Variants in TRIM49 observed in about 807,000 individuals in gnomAD.
TRIM49 encodes tripartite motif-containing protein 49.
A neutral mutation model predicts 27.4 loss-of-function variants in TRIM49; 5 were observed. That is an observed-to-expected ratio of 0.18 (90% CI 0.10 to 0.38). The LOEUF (loss-of-function observed/expected upper bound fraction) is 0.38, where lower values mean the gene tolerates loss of function less well. TRIM49 is among the 10% of genes least tolerant of loss of function. The pLI is 1.00. For synonymous variants in TRIM49, 69 were observed against 166.0 expected (o/e 0.42, Z 4.49); for missense variants, 188 against 487.5 (o/e 0.39, Z 5.79).
chr11:89,766,658 T>C, the TRIM49 span: 1 of 1,444,166 alleles, frequency 6.9e-7, no homozygotes. Context: ...GGTAATTCCA[T>C]ATGAGGGAAT....
At chr11:89,793,694 T>G (rs60842940), downstream of TRIM49, among the ~76,000 whole-genome samples, 4,710 of 149,314 alleles carry the variant, frequency 0.032, no homozygotes, top group Non-Finnish European at 0.043. Context: ...CCCCTCATGC[T>G]AAAACCTCTC....
the TRIM49 span, among the ~76,000 whole-genome samples, chr11:89,770,991 C>T: frequency 4.2e-3 from 458 of 110,044 alleles, 20 homozygotes; most frequent in East Asian, 0.067. Context: ...TTTTTCTTTT[C>T]GAAACAGGGT....
At chr11:89,797,525 A>T (rs1398546034), downstream of TRIM49, 2 of 150,642 alleles carry the variant, frequency 1.3e-5, no homozygotes, top group South Asian at 4.2e-4. Flanking sequence ...TTTAAAAAAA[A>T]TTTCAATTAA....
At chr11:89,800,407 A>C (rs1978021) in intron 6 of TRIM49, among the ~76,000 whole-genome samples, 2,063 of 145,226 alleles carry the variant, frequency 0.014, 2 homozygotes, top group Middle Eastern at 0.051. Context: ...ACCATTCACA[A>C]AAAAAAACTT....
chr11:89,804,746 A>G (rs376934441), intron 2 of TRIM49, among the ~76,000 whole-genome samples: 4,409 of 149,024 alleles, frequency 0.03, no homozygotes, highest in Non-Finnish European at 0.045. Context: ...CCATTTTCTG[A>G]ACATAGATCT....
At chr11:89,807,628 A>T (rs1405081487) in intron 1 of TRIM49, among the ~76,000 whole-genome samples, 1 of 150,854 alleles carries the variant, frequency 6.6e-6, no homozygotes, top group Admixed American at 6.6e-5. Flanking sequence ...CTTGAATTCC[A>T]AGTAATCCTC....
chr11:89,770,592 G>A, the TRIM49 span, among the ~76,000 whole-genome samples: 1 of 142,304 alleles, frequency 7.0e-6, no homozygotes, highest in African/African-American at 2.9e-5. Flanking sequence ...AGGCACGGTG[G>A]CTCACGCCTG....
intron 4 of TRIM49, among the ~76,000 whole-genome samples, chr11:89,802,787 C>T (rs1949749060): frequency 6.6e-6 from 1 of 150,514 alleles, no homozygotes; most frequent in African/African-American, 2.5e-5. Context: ...AGTTTCTGGC[C>T]TCTATTGTCC....
chr11:89,791,452 A>G, the TRIM49 span, among the ~76,000 whole-genome samples: 1 of 151,276 alleles, frequency 6.6e-6, no homozygotes, highest in African/African-American at 2.4e-5. Context: ...CAGATTCACC[A>G]AAGTTGAAAT....
chr11:89,776,977 A>T, the TRIM49 span: 54 of 1,514,450 alleles, frequency 3.6e-5, no homozygotes, highest in Non-Finnish European at 4.1e-5. Context: ...TAATTTTCAG[A>T]AACATGGATT....
chr11:89,770,975 AT>A, the TRIM49 span, among the ~76,000 whole-genome samples: 51 of 110,044 alleles, frequency 4.6e-4, no homozygotes, highest in East Asian at 1.2e-3. Flanking sequence ...CACTCTATCA[AT>A]TTTTTTTTTC....
chr11:89,793,036 G>A (rs1467564818), downstream of TRIM49, among the ~76,000 whole-genome samples: 1 of 152,024 alleles, frequency 6.6e-6, no homozygotes, highest in Non-Finnish European at 1.5e-5. Flanking sequence ...GAATCAAATA[G>A]ATGCAATAAA....
rs1190405493 is a variant in TRIM49, at chr11:89,804,977, C to T, written c.-4-504G>A. Among the ~76,000 whole-genome samples the T allele has an allele frequency of 5.6e-3, 804 of 142,944 alleles. 8 individuals carry two copies. The highest frequency in any genetic ancestry group is 0.019 in the African/African-American group (700 of 35,954). 93.8% of individuals were successfully genotyped at this position (142,944 alleles called of 152,430 possible). On this transcript the variant is annotated intron_variant, in intron 2 of 7. Coordinates refer to ENST00000329758, the MANE Select transcript of TRIM49 (RefSeq NM_020358.2). Reference sequence around the variant, plus strand: ...AGCAAACCACCATGGCACAAGTTTACCTACATAACAAGCCTGCAAGTCCTG... The same window carrying T: ...AGCAAACCACCATGGCACAAGTTTATCTACATAACAAGCCTGCAAGTCCTG...
chr11:89,793,753 T>G (rs967453073), downstream of TRIM49, among the ~76,000 whole-genome samples: 7 of 151,930 alleles, frequency 4.6e-5, no homozygotes, highest in African/African-American at 1.7e-4. Context: ...AAGAGCTATT[T>G]ATGACAATCC....
chr11:89,777,206 T>C, the TRIM49 span: 70 of 1,548,702 alleles, frequency 4.5e-5, 1 homozygote, highest in Non-Finnish European at 5.6e-5. Flanking sequence ...CTGTCTTCCC[T>C]AGCCAGACAG....
chr11:89,790,546 C>T, the TRIM49 span, among the ~76,000 whole-genome samples: 26 of 151,986 alleles, frequency 1.7e-4, no homozygotes, highest in East Asian at 1.2e-3. Context: ...TCCTCTGAGA[C>T]GAAGCTTCTA....
chr11:89,783,888 C>A, the TRIM49 span, among the ~76,000 whole-genome samples: 1 of 143,520 alleles, frequency 7.0e-6, no homozygotes, highest in South Asian at 2.1e-4. Context: ...CATCTTCAAC[C>A]AGTGAATTTT....
the TRIM49 span, among the ~76,000 whole-genome samples, chr11:89,772,122 C>T: frequency 8.1e-5 from 11 of 135,154 alleles, 1 homozygote; most frequent in Admixed American, 5.5e-4. Flanking sequence ...GGATGAAAAC[C>T]CTTATAATGA....
chr11:89,775,631 A>T, the TRIM49 span, among the ~76,000 whole-genome samples: 1 of 133,756 alleles, frequency 7.5e-6, no homozygotes, highest in Non-Finnish European at 1.5e-5. Flanking sequence ...CTTGTTAATT[A>T]TTATAGTTGA....
Sources: gnomAD v4.1 joint callset for allele counts (sites outside exome capture counted in the v4.1 genomes callset) on GRCh38, gnomAD v4.1.1 for gene constraint, MANE v1.5 for transcripts, NCBI Gene and HGNC (gene_info 2026-07-23, HGNC 2026-07-21) for gene names.